The following GLYAT variants were observed in gnomAD, a reference collection of about 807,000 sequenced individuals.
GLYAT encodes glycine N-acyltransferase.
Under a neutral mutation model 22.8 loss-of-function variants are expected in GLYAT, and 25 were observed. That is an observed-to-expected ratio of 1.09 (90% CI 0.80 to 1.53). The LOEUF is 1.53. Ranked by LOEUF, GLYAT falls within the 40% of genes most tolerant of loss-of-function variation. The pLI, the probability that GLYAT is intolerant of heterozygous loss-of-function variation, is 0.00. For missense variants in GLYAT, 411 were observed against 353.9 expected, an observed-to-expected ratio of 1.16 and a Z score of -1.29; for synonymous variants, 140 against 122.7, an observed-to-expected ratio of 1.14 and a Z score of -0.93.
chr11:58,717,128 G>T (rs1422411228), intron 2 of GLYAT, among the ~76,000 whole-genome samples: 1 of 151,458 alleles, frequency 6.6e-6, no homozygotes, highest in Admixed American at 6.6e-5. Flanking sequence ...ATTTGGGGGG[G>T]CCCAAGATAT....
At chr11:58,710,255 G>A in intron 5 of GLYAT, 87 bp from the exon 6 acceptor site, 3 of 1,492,176 alleles carry the variant, frequency 2.0e-6, no homozygotes, top group Non-Finnish European at 2.7e-6. Context: ...AGACAGAGTA[G>A]ACAGAAGAAA....
chr11:58,724,498 G>T lies in GLYAT; in HGVS notation c.-2C>A. 1 of 1,589,106 alleles carries T rather than the reference G, an allele frequency of 6.3e-7. No homozygotes were observed. The highest frequency in any genetic ancestry group is 8.6e-7 in the Non-Finnish European group (1 of 1,160,608). The stretch of plus-strand genomic sequence containing the variant: ...GGCACCTTGCAATGGTAACATCATG[G>T]AGGATACCTTAGCCTAGAAAGACAA... On this transcript the variant is annotated 5_prime_UTR_variant, in exon 2 of 6. Transcript: ENST00000344743.
intron 2 of GLYAT, among the ~76,000 whole-genome samples, chr11:58,720,256 T>C (rs1856733342): frequency 1.3e-5 from 2 of 151,992 alleles, no homozygotes; most frequent in Non-Finnish European, 2.9e-5. Context: ...TATGGGAAGA[T>C]ACCCAAATAA....
At chr11:58,714,150 G>A in intron 3 of GLYAT, among the ~76,000 whole-genome samples, 1 of 152,020 alleles carries the variant, frequency 6.6e-6, no homozygotes, top group East Asian at 1.9e-4. Context: ...GTTATCAGCA[G>A]GTAAGGTGGG....
rs10535978 is a variant in GLYAT at position 58,724,600 on chromosome 11, GTTT to G, written c.-15-92_-15-90del. 1.7e-3 allele frequency: 746 copies of G among 445,336 alleles called. 1 individual carries two copies. Among genetic ancestry groups the G allele is most frequent in the South Asian group, 4.0e-3 (64 of 15,970 alleles). 27.6% of individuals were successfully genotyped at this position (445,336 alleles called of 1,614,324 possible). The stretch of plus-strand genomic sequence containing the variant: ...TAGCAAGTTCTTTATTAATGACCAG[GTTT>G]TTTTTTTTTAGTGCCTTTCAACTGC... On this transcript the variant is annotated intron_variant, in intron 1 of 5. Coordinates refer to ENST00000344743, the MANE Select transcript of GLYAT (RefSeq NM_201648.3).
intron 1 of GLYAT, among the ~76,000 whole-genome samples, chr11:58,725,915 C>T (rs1173430338): frequency 2.0e-5 from 3 of 152,036 alleles, no homozygotes; most frequent in African/African-American, 7.2e-5. Flanking sequence ...TGTATGCATG[C>T]TAACTTAAGG....
rs1399069456 is a variant in GLYAT, at chr11:58,715,361, G to T, written c.144C>A (p.Asp48Glu). 6.2e-7 allele frequency: 1 copy of T among 1,602,180 alleles called. No homozygotes were observed. The highest frequency in any genetic ancestry group is 1.1e-5 in the South Asian group (1 of 90,822). The change falls in exon 3 of 6, where the codon GAC becomes GAA. Residue 48 changes from aspartate to glutamate, a missense_variant. Coordinates refer to ENST00000344743, the MANE Select transcript of GLYAT (RefSeq NM_201648.3). The part of the protein sequence containing the change: ...GNPFNLKAVV[D>E]KWPDFNTVVV... ...CCACTGTATTAAAATCAGGCCACTT[G>T]TCCACCACAGCCTTCAGATTGAATG...
chr11:58,726,248 T>A (rs1333389908), intron 1 of GLYAT, among the ~76,000 whole-genome samples: 1 of 152,088 alleles, frequency 6.6e-6, no homozygotes, highest in Non-Finnish European at 1.5e-5. Flanking sequence ...ATCTACCTTG[T>A]GTAACATTTC....
In GLYAT at chr11:58,710,766, A is replaced by C; in HGVS notation, c.317-5T>G. 1 of 1,528,810 alleles carries C rather than the reference A, an allele frequency of 6.5e-7. No homozygotes were observed. Among genetic ancestry groups the C allele is most frequent in the Non-Finnish European group, 9.1e-7 (1 of 1,102,548 alleles). The allele number at this position is 1,528,810 out of a possible 1,614,324, so 94.7% of individuals were successfully genotyped here. ...CATTCAGGCTAGGCTGTGAACCTAG[A>C]CGGTATAATAAACAGAGATGAAATG... On this transcript the variant is annotated splice_polypyrimidine_tract_variant and splice_region_variant and intron_variant, in intron 4 of 5. Coordinates refer to ENST00000344743, the MANE Select transcript of GLYAT (RefSeq NM_201648.3).
chr11:58,710,055 A>G lies in GLYAT; in HGVS notation c.602T>C (p.Ile201Thr), dbSNP rs763642751. The G allele has an allele frequency of 2.5e-6, 4 of 1,614,098 alleles. No homozygotes were observed. The highest frequency in any genetic ancestry group is 3.4e-6 in the Non-Finnish European group (4 of 1,179,950). The change falls in exon 6 of 6, where the codon ATT becomes ACT. Residue 201 changes from isoleucine to threonine, a missense_variant. By Grantham distance (89) the Ile-to-Thr change is moderately conservative. Coordinates refer to ENST00000344743, the MANE Select transcript of GLYAT (RefSeq NM_201648.3). ...GAGACAGCAGGTGGGAAAGGTCTGA[A>G]TGCAGCGCTCAATGAATCTCTGGCT... is the stretch of plus-strand genomic sequence containing the variant. ...ERSQRFIERC[I>T]QTFPTCCLLG... is the part of the protein sequence containing the mutation.
chr11:58,709,593 G>T lies in GLYAT; in HGVS notation c.*173C>A, dbSNP rs569223470. On this transcript the variant is annotated 3_prime_UTR_variant, in exon 6 of 6. Coordinates refer to ENST00000344743, the MANE Select transcript of GLYAT (RefSeq NM_201648.3). ...GGGCCTGCTTCCCACTGAGAAACCT[G>T]TGAATGCAGGGACCATGGCGATGCT... The T allele has an allele frequency of 6.4e-6, 4 of 620,922 alleles. No individual in the cohort carries two copies. In the African/African-American group the frequency reaches 7.3e-5, roughly 11 times the overall value. The allele number at this position is 620,922 out of a possible 1,614,324, so 38.5% of individuals were successfully genotyped here.
In GLYAT at chr11:58,731,889, T is replaced by C. The variant is rs532491665; in HGVS notation, c.-70A>G. ...GGGAAGAAACGATGAGCAACACCCT[T>C]CTGGGAGATGAAATTTCTCCCTGAT... On this transcript the variant is annotated 5_prime_UTR_variant, in exon 1 of 6. Coordinates refer to ENST00000344743, the MANE Select transcript of GLYAT (RefSeq NM_201648.3). 4.1e-4 allele frequency: 63 copies of C among 152,268 alleles called. No individual in the cohort carries two copies. Among genetic ancestry groups the C allele is most frequent in the African/African-American group, 1.3e-3 (56 of 41,564 alleles). 9.4% of individuals were successfully genotyped at this position (152,268 alleles called of 1,614,324 possible). A position where few individuals can be genotyped will look rare whatever the true frequency, so the allele number is the denominator to read the frequency against.
intron 2 of GLYAT, 51 bp from the exon 3 acceptor site, chr11:58,715,474 A>T (rs750626364): frequency 2.4e-6 from 2 of 832,332 alleles, no homozygotes; most frequent in Non-Finnish European, 4.1e-6. Context: ...AAAAAACAGT[A>T]AAGTTTCTTG....
intron 5 of GLYAT, chr11:58,710,378 A>G: frequency 1.2e-6 from 1 of 828,026 alleles, no homozygotes; most frequent in Non-Finnish European, 1.8e-6. Context: ...TCCAAGTGGT[A>G]GCCAGAGGCC....
At chr11:58,711,225 T>G (rs755430303) in intron 4 of GLYAT, among the ~76,000 whole-genome samples, 8 of 152,172 alleles carry the variant, frequency 5.3e-5, no homozygotes, top group Non-Finnish European at 1.0e-4. Context: ...CTCCTCTGCC[T>G]TTATCTCTTT....
chr11:58,710,103 C>T lies in GLYAT; in HGVS notation c.554G>A (p.Trp185Ter). Residue 185 changes from tryptophan to a stop codon, truncating the protein, a stop_gained, in exon 6 of 6, where the codon TGG becomes TAG. Transcript: ENST00000344743. LOFTEE classifies it low-confidence loss of function (END_TRUNC). Reference sequence around the variant, plus strand: ...GCTCCTCTCATTACCACCAAAATGCCAGAATTTATTCACCAAGTGAGCATG... The same window carrying T: ...GCTCCTCTCATTACCACCAAAATGCTAGAATTTATTCACCAAGTGAGCATG... ...VTHAHLVNKFWHFGGNERSQR... is the reference protein window; with the variant it reads ...VTHAHLVNKF 1.9e-6 allele frequency: 3 copies of T among 1,614,096 alleles called. No individual in the cohort carries two copies. Among genetic ancestry groups the T allele is most frequent in the Non-Finnish European group, 2.5e-6 (3 of 1,179,984 alleles).
chr11:58,729,695 A>G (rs1431877176), intron 1 of GLYAT, among the ~76,000 whole-genome samples: 3 of 152,198 alleles, frequency 2.0e-5, no homozygotes, highest in African/African-American at 7.2e-5. Flanking sequence ...TATGTATTAA[A>G]TGCATAATAT....
rs894440011 is a variant in GLYAT, at chr11:58,710,521, T to C, written c.488+69A>G. The C allele has an allele frequency of 2.1e-5, 24 of 1,147,708 alleles. No individual in the cohort carries two copies. The African/African-American group carries it at 2.7e-4, about 13-fold the overall frequency. 71.1% of individuals were successfully genotyped at this position (1,147,708 alleles called of 1,614,324 possible). The stretch of plus-strand genomic sequence containing the variant: ...TTGATTGTAGGAAAGCCAGAGTGAA[T>C]GCAGGGAGAGAAGTTGGGAGGTTAC... On this transcript the variant is annotated intron_variant, in intron 5 of 5. Coordinates refer to ENST00000344743, the MANE Select transcript of GLYAT (RefSeq NM_201648.3).
chr11:58,730,629 C>G (rs1232483699), intron 1 of GLYAT, among the ~76,000 whole-genome samples: 1 of 152,044 alleles, frequency 6.6e-6, no homozygotes, highest in Non-Finnish European at 1.5e-5. Context: ...AGACCTTGTA[C>G]TAAGTTGGCA....
Sources: allele counts gnomAD v4.1 joint callset (sites outside exome capture counted in the v4.1 genomes callset), GRCh38; gene constraint gnomAD v4.1.1; transcripts MANE v1.5; gene names NCBI Gene and HGNC (gene_info 2026-07-23, HGNC 2026-07-21).